DSCAML1: variants seen among roughly 807,000 people sequenced by gnomAD.
DSCAML1 encodes DS cell adhesion molecule like 1.
DSCAML1 carries 38 observed loss-of-function variants against 200.5 expected under a neutral mutation model. That is an observed-to-expected ratio of 0.19 (90% CI 0.15 to 0.25). The LOEUF (loss-of-function observed/expected upper bound fraction) is 0.25. Ranked by LOEUF, DSCAML1 falls within the 10% of genes least tolerant of loss-of-function variation. The pLI, the probability that DSCAML1 is intolerant of heterozygous loss-of-function variation, is 1.00. For synonymous variants in DSCAML1, 1,215 were observed against 1,165.0 expected, an observed-to-expected ratio of 1.04 and a Z score of -0.87; for missense variants, 2,223 against 2,858.8, an observed-to-expected ratio of 0.78 and a Z score of 5.07.
chr11:117,718,668 ACCCCCCC>A (rs60879756), intron 3 of DSCAML1, among the ~76,000 whole-genome samples: 6,406 of 25,956 alleles, frequency 0.25, 1,117 homozygotes, highest in African/African-American at 0.41. Flanking sequence ...AATACTCAAA[ACCCCCCC>A]CCCCCCCCAT....
At chr11:117,441,384 G>T (rs2048043540) in intron 21 of DSCAML1, among the ~76,000 whole-genome samples, 1 of 152,198 alleles carries the variant, frequency 6.6e-6, no homozygotes. Flanking sequence ...GAGTCAGCAG[G>T]CATGATGAGG....
intron 3 of DSCAML1, chr11:117,668,394 G>C (rs1378839745): frequency 6.6e-6 from 1 of 152,228 alleles, no homozygotes; most frequent in African/African-American, 2.4e-5. Flanking sequence ...TGAGTGTCTC[G>C]GGAGTCTGGT....
Position 117,504,881 on chromosome 11 carries a change from G to T in DSCAML1, c.2182+43C>A. Reference sequence around the variant, plus strand: ...TCCCACAGAGCATCCTCCGTTCCCCGTCCCTGCCCTTCTTGGAGATTCTGG... The same window carrying T: ...TCCCACAGAGCATCCTCCGTTCCCCTTCCCTGCCCTTCTTGGAGATTCTGG... On this transcript the variant is annotated intron_variant, in intron 10 of 32. Transcript: ENST00000651296. This position sits in a 1 kb window ranked among gnomAD's most constrained non-coding sequence, Gnocchi z 5.0. 1 of 1,569,380 alleles carries T rather than the reference G, an allele frequency of 6.4e-7. No homozygotes were observed. Among genetic ancestry groups the T allele is most frequent in the Non-Finnish European group, 8.7e-7 (1 of 1,152,788 alleles).
chr11:117,575,975 A>G lies in DSCAML1; in HGVS notation c.512-43453T>C, dbSNP rs531076655. On this transcript the variant is annotated intron_variant, in intron 3 of 32. Coordinates refer to ENST00000651296, the MANE Select transcript of DSCAML1 (RefSeq NM_020693.4). Reference sequence around the variant, plus strand: ...GCGCTACAGAATAGAGAGGATGCAGAGGGTCCTGGATGCTTGTCTGGGCTC... The same window carrying G: ...GCGCTACAGAATAGAGAGGATGCAGGGGGTCCTGGATGCTTGTCTGGGCTC... Among the ~76,000 whole-genome samples, 70 of 152,332 alleles carry G rather than the reference A, an allele frequency of 4.6e-4. 2 individuals carry two copies. The South Asian group carries it at 0.013, about 29-fold the overall frequency.
chr11:117,523,726 C>A (rs2049920828), intron 5 of DSCAML1, among the ~76,000 whole-genome samples: 1 of 152,218 alleles, frequency 6.6e-6, no homozygotes, highest in South Asian at 2.1e-4. Flanking sequence ...TGCAGCCCTA[C>A]TGCCCTATGC....
intron 4 of DSCAML1, among the ~76,000 whole-genome samples, chr11:117,530,738 A>G (rs1217044041): frequency 6.6e-6 from 1 of 151,998 alleles, no homozygotes; most frequent in African/African-American, 2.4e-5. Context: ...AGAGCTCATC[A>G]CCAAACCACC....
rs1429225636 is a variant in DSCAML1 at position 117,518,189 on chromosome 11, A to G, written c.1510+277T>C. On this transcript the variant is annotated intron_variant, in intron 7 of 32. Coordinates refer to ENST00000651296, the MANE Select transcript of DSCAML1 (RefSeq NM_020693.4). The surrounding 1 kb of genome is among the most constrained non-coding windows in gnomAD (Gnocchi z 6.3). ...GGAGGAATGGGCTAGAGGGTAAGAGAAGGGGCTGGGCTGGCTGGATTTCTG... is the reference window on the plus strand; with the variant it reads ...GGAGGAATGGGCTAGAGGGTAAGAGGAGGGGCTGGGCTGGCTGGATTTCTG... 6.6e-6 allele frequency among the ~76,000 whole-genome samples: 1 copy of G among 151,904 alleles called. No homozygotes were observed. The highest frequency in any genetic ancestry group is 2.4e-5 in the African/African-American group (1 of 41,320).
intron 3 of DSCAML1, among the ~76,000 whole-genome samples, chr11:117,733,365 C>T (rs2054258834): frequency 6.6e-6 from 1 of 152,168 alleles, no homozygotes; most frequent in African/African-American, 2.4e-5. Context: ...CAGAGTGGGG[C>T]TCAGTGAGTG....
intron 4 of DSCAML1, among the ~76,000 whole-genome samples, chr11:117,529,276 C>T (rs1332059170): frequency 6.6e-6 from 1 of 152,110 alleles, no homozygotes; most frequent in African/African-American, 2.4e-5. Flanking sequence ...TGGGGTTTTG[C>T]CATGTTGGCC....
intron 20 of DSCAML1, among the ~76,000 whole-genome samples, chr11:117,449,475 G>T (rs1250419967): frequency 6.6e-6 from 1 of 151,982 alleles, no homozygotes; most frequent in Non-Finnish European, 1.5e-5. Context: ...AAGACCACAG[G>T]AAAGCAGAGA....
chr11:117,672,467 G>A (rs533457359), intron 3 of DSCAML1, among the ~76,000 whole-genome samples: 6 of 152,142 alleles, frequency 3.9e-5, no homozygotes, highest in Non-Finnish European at 7.4e-5. Context: ...ATAGATCAGT[G>A]CCCTTCTTCT....
At chr11:117,495,868 G>A (rs576673893) in intron 11 of DSCAML1, among the ~76,000 whole-genome samples, 18 of 152,288 alleles carry the variant, frequency 1.2e-4, no homozygotes, top group Admixed American at 9.8e-4. Flanking sequence ...TCCATTCCAT[G>A]CTCAAGATCT....
intron 3 of DSCAML1, among the ~76,000 whole-genome samples, chr11:117,652,769 G>T (rs2052660466): frequency 6.6e-6 from 1 of 152,204 alleles, no homozygotes; most frequent in Non-Finnish European, 1.5e-5. Context: ...GGCTGTGGGA[G>T]GCAAGGTGTC....
chr11:117,746,985 C>T (rs1382736691), intron 3 of DSCAML1, among the ~76,000 whole-genome samples: 2 of 152,120 alleles, frequency 1.3e-5, no homozygotes, highest in Admixed American at 6.5e-5. Flanking sequence ...CTCTGGACAG[C>T]GGCTCCCCGA....
At chr11:117,546,520 C>T (rs1018077976) in intron 3 of DSCAML1, among the ~76,000 whole-genome samples, 2 of 152,202 alleles carry the variant, frequency 1.3e-5, no homozygotes, top group African/African-American at 2.4e-5. Flanking sequence ...TTCCCACCAA[C>T]TCCTAACTGC....
intron 11 of DSCAML1, among the ~76,000 whole-genome samples, chr11:117,496,971 T>G (rs1477943248): frequency 6.6e-6 from 1 of 152,226 alleles, no homozygotes; most frequent in East Asian, 1.9e-4. Context: ...CTGTTGGCAT[T>G]GGGAGGTCAG....
chr11:117,725,541 C>T (rs1382196107), intron 3 of DSCAML1, among the ~76,000 whole-genome samples: 1 of 152,160 alleles, frequency 6.6e-6, no homozygotes, highest in African/African-American at 2.4e-5. Flanking sequence ...CTTATCTTTC[C>T]CATTTCCGCT....
rs899562355 is a variant in DSCAML1, at chr11:117,659,162, G to C, written c.511+117629C>G. On this transcript the variant is annotated intron_variant, in intron 3 of 32. Coordinates refer to ENST00000651296, the MANE Select transcript of DSCAML1 (RefSeq NM_020693.4). The stretch of plus-strand genomic sequence containing the variant: ...TTCAGCATGGTTCTGTAGTAAGAAG[G>C]GGCTAGTTTTTGGAAGACGGTGTTT... Among the ~76,000 whole-genome samples, 14 of 152,304 alleles carry C rather than the reference G, an allele frequency of 9.2e-5. No homozygotes were observed. The East Asian group carries it at 1.4e-3, about 15-fold the overall frequency.
intron 3 of DSCAML1, among the ~76,000 whole-genome samples, chr11:117,703,187 G>A (rs1325424282): frequency 1.3e-5 from 2 of 152,212 alleles, no homozygotes; most frequent in Non-Finnish European, 2.9e-5. Context: ...ATGCAAACCA[G>A]TGATTTTGAA....
Sources: allele counts gnomAD v4.1 joint callset (sites outside exome capture counted in the v4.1 genomes callset), GRCh38; gene constraint gnomAD v4.1.1; non-coding constraint Gnocchi (gnomAD v3.1); transcripts MANE v1.5; gene names NCBI Gene and HGNC (gene_info 2026-07-23, HGNC 2026-07-21).